Variants in CPSF2 observed in about 807,000 individuals in gnomAD.
CPSF2 encodes cleavage and polyadenylation specificity factor subunit 2.
In CPSF2, 51 loss-of-function variants were observed where a neutral mutation model predicts 84.2. That is an observed-to-expected ratio of 0.61 (90% CI 0.48 to 0.77). The LOEUF (loss-of-function observed/expected upper bound fraction) is 0.77, where lower values mean the gene tolerates loss of function less well. CPSF2 is among the 30% of genes least tolerant of loss of function. The pLI, the probability that CPSF2 is intolerant of heterozygous loss-of-function variation, is 0.00. For synonymous variants in CPSF2, 286 were observed against 311.9 expected (o/e 0.92, Z 0.87); for missense variants, 641 against 929.4 (o/e 0.69, Z 4.03).
intron 2 of CPSF2, among the ~76,000 whole-genome samples, chr14:92,128,021 GA>G (rs1438500014): frequency 1.3e-5 from 2 of 152,214 alleles, no homozygotes; most frequent in African/African-American, 4.8e-5. Context: ...AGAAAAGTCA[GA>G]TTGAAGGGTA....
intron 7 of CPSF2, among the ~76,000 whole-genome samples, chr14:92,139,055 C>T (rs906345003): frequency 2.0e-5 from 3 of 152,132 alleles, no homozygotes; most frequent in African/African-American, 2.4e-5. Context: ...AGCTAGCTAT[C>T]CCTGGCACTC....
intron 2 of CPSF2, among the ~76,000 whole-genome samples, chr14:92,128,421 G>A (rs1446687872): frequency 6.6e-6 from 1 of 152,060 alleles, no homozygotes; most frequent in Non-Finnish European, 1.5e-5. Context: ...AGATGGAGGT[G>A]GCAGTGAGCC....
chr14:92,134,001 G>A lies in CPSF2; in HGVS notation c.150-10G>A. The A allele has an allele frequency of 6.2e-7, 1 of 1,613,438 alleles. No individual in the cohort carries two copies. Among genetic ancestry groups the A allele is most frequent in the Non-Finnish European group, 8.5e-7 (1 of 1,179,642 alleles). On this transcript the variant is annotated splice_polypyrimidine_tract_variant and intron_variant, in intron 3 of 15. Coordinates refer to ENST00000298875, the MANE Select transcript of CPSF2 (RefSeq NM_017437.3). ...TTCAAGAAGTAGTCCTTTGGATTGT[G>A]TTCTTGTAGGCATGTTCACCAGATT...
intron 14 of CPSF2, among the ~76,000 whole-genome samples, chr14:92,160,154 G>T (rs112510922): frequency 2.0e-5 from 3 of 152,218 alleles, no homozygotes; most frequent in African/African-American, 7.2e-5. Context: ...GTAGAAACGG[G>T]GTTTTGCCAT....
At chr14:92,129,935 A>T (rs1192763603) in intron 2 of CPSF2, among the ~76,000 whole-genome samples, 1 of 151,708 alleles carries the variant, frequency 6.6e-6, no homozygotes, top group Admixed American at 6.6e-5. Context: ...TTTTGTAGAG[A>T]CAGGGTCTCA....
In CPSF2 at chr14:92,159,068, A is replaced by T; in HGVS notation, c.1907A>T (p.Asp636Val). Residue 636 changes from aspartate (D) to valine (V), a missense_variant, in exon 14 of 16, where the codon GAT becomes GTT. Transcript: ENST00000298875. The part of the protein sequence containing the change: ...AELAWIDGVL[D>V]MRVSKVDTGV... ...TTAGCTTGGATAGATGGTGTCTTAG[A>T]TATGAGAGTTTCCAAAGTGGACACA... The T allele has an allele frequency of 6.2e-7, 1 of 1,614,044 alleles. No individual in the cohort carries two copies. Among genetic ancestry groups the T allele is most frequent in the Non-Finnish European group, 8.5e-7 (1 of 1,179,938 alleles).
intron 3 of CPSF2, 40 bp downstream of exon 3, chr14:92,131,173 A>G (rs537715650): frequency 8.6e-6 from 13 of 1,518,490 alleles, no homozygotes; most frequent in South Asian, 4.7e-5. Context: ...TATTAAATCA[A>G]CTTCTCTTTT....
intron 14 of CPSF2, 64 bp downstream of exon 14, chr14:92,159,346 T>C (rs1413872395): frequency 7.2e-7 from 1 of 1,392,580 alleles, no homozygotes; most frequent in African/African-American, 1.4e-5. Flanking sequence ...TTTTCATGTC[T>C]TTTGGTTTTT....
At chr14:92,125,739 CAA>C (rs2068837836) in intron 1 of CPSF2, among the ~76,000 whole-genome samples, 1 of 151,996 alleles carries the variant, frequency 6.6e-6, no homozygotes, top group Non-Finnish European at 1.5e-5. Flanking sequence ...AAAACTTACT[CAA>C]AAGTGTAGAG....
At chr14:92,151,719 T>G (rs918897434) in intron 9 of CPSF2, among the ~76,000 whole-genome samples, 3 of 152,028 alleles carry the variant, frequency 2.0e-5, no homozygotes, top group Non-Finnish European at 4.4e-5. Flanking sequence ...GAGCTAGACA[T>G]TAAAGAGATT....
In CPSF2 at chr14:92,161,948, T is replaced by C. The variant is rs752977934; in HGVS notation, c.*204T>C. 2.3e-6 allele frequency: 1 copy of C among 435,992 alleles called. No individual in the cohort carries two copies. The highest frequency in any genetic ancestry group is 4.0e-6 in the Non-Finnish European group (1 of 249,726). 27.0% of individuals were successfully genotyped at this position (435,992 alleles called of 1,614,324 possible). On this transcript the variant is annotated 3_prime_UTR_variant, in exon 16 of 16. Transcript: ENST00000298875. ...TTCTATCTTTTGGCTTTCAGAGTGATAGAGCTCCTAACAGGTGTACAGGCC... is the reference window on the plus strand; with the variant it reads ...TTCTATCTTTTGGCTTTCAGAGTGACAGAGCTCCTAACAGGTGTACAGGCC...
At chr14:92,132,083 A>G (rs1308024667) in intron 3 of CPSF2, among the ~76,000 whole-genome samples, 1 of 152,134 alleles carries the variant, frequency 6.6e-6, no homozygotes, top group Non-Finnish European at 1.5e-5. Flanking sequence ...CATTATAAGT[A>G]TGTGGCCATA....
intron 2 of CPSF2, among the ~76,000 whole-genome samples, chr14:92,126,549 A>G (rs764207255): frequency 2.6e-5 from 4 of 152,178 alleles, no homozygotes; most frequent in Non-Finnish European, 4.4e-5. Context: ...GCTGTCTCAC[A>G]CCTGTAATTC....
At chr14:92,145,453 T>A (rs1211412482) in intron 9 of CPSF2, among the ~76,000 whole-genome samples, 1 of 152,184 alleles carries the variant, frequency 6.6e-6, no homozygotes, top group Non-Finnish European at 1.5e-5. Context: ...TTAAAAGCTA[T>A]GTGGTAGAGA....
intron 6 of CPSF2, 37 bp downstream of exon 6, chr14:92,135,533 T>C (rs2068987303): frequency 6.4e-7 from 1 of 1,554,398 alleles, no homozygotes; most frequent in African/African-American, 1.4e-5. Context: ...GGCAATGCAA[T>C]TGGTATTATT....
At chr14:92,156,428 T>C (rs760705748) in intron 11 of CPSF2, 51 bp from the exon 12 acceptor site, 7 of 1,493,594 alleles carry the variant, frequency 4.7e-6, no homozygotes, top group African/African-American at 1.4e-5. Flanking sequence ...ATATATGTTA[T>C]GTAGTATTAG....
At chr14:92,135,727 C>T (rs777040075) in intron 6 of CPSF2, among the ~76,000 whole-genome samples, 16 of 152,168 alleles carry the variant, frequency 1.1e-4, no homozygotes, top group African/African-American at 2.9e-4. Flanking sequence ...CTCTACAAAA[C>T]GGGTATCTCC....
intron 3 of CPSF2, among the ~76,000 whole-genome samples, chr14:92,131,987 A>G (rs1425967676): frequency 6.6e-6 from 1 of 152,224 alleles, no homozygotes; most frequent in Non-Finnish European, 1.5e-5. Flanking sequence ...TGATGAGAAC[A>G]TATGCTTCCC....
rs74074431 is a variant in CPSF2 at position 92,138,138 on chromosome 14, T to G, written c.546-94T>G. Reference sequence around the variant, plus strand: ...TTTTATAGTTAGAGGAGGGAACACCTTATAAATGAAGCTGCTTATTTTTTA... The same window carrying G: ...TTTTATAGTTAGAGGAGGGAACACCGTATAAATGAAGCTGCTTATTTTTTA... On this transcript the variant is annotated intron_variant, in intron 6 of 15. Coordinates refer to ENST00000298875, the MANE Select transcript of CPSF2 (RefSeq NM_017437.3). 4.3e-3 allele frequency: 2,355 copies of G among 542,622 alleles called. 46 individuals carry two copies. Among genetic ancestry groups the G allele is most frequent in the African/African-American group, 0.041 (2,076 of 50,192 alleles). 33.6% of individuals were successfully genotyped at this position (542,622 alleles called of 1,614,324 possible). A position where few individuals can be genotyped will look rare whatever the true frequency, so the allele number is the denominator to read the frequency against.
Sources: gnomAD v4.1 joint callset for allele counts (sites outside exome capture counted in the v4.1 genomes callset) on GRCh38, gnomAD v4.1.1 for gene constraint, MANE v1.5 for transcripts, NCBI Gene and HGNC (gene_info 2026-07-23, HGNC 2026-07-21) for gene names.